TARM1: variants seen among roughly 807,000 people sequenced by gnomAD.
The protein encoded by TARM1 is T-cell-interacting, activating receptor on myeloid cells protein 1.
In TARM1, 24 loss-of-function variants were observed where a neutral mutation model predicts 30.4. The ratio of observed to expected loss-of-function variants is 0.79; its 90% CI spans 0.57 to 1.11. The LOEUF (loss-of-function observed/expected upper bound fraction) is 1.11. Among genes scored for constraint, TARM1 ranks in the 50% least tolerant of loss-of-function variants. TARM1 has a pLI of 0.00. For synonymous variants in TARM1, 129 were observed against 138.9 expected (o/e 0.93, Z 0.50); for missense variants, 323 against 332.8 (o/e 0.97, Z 0.23).
intron 1 of TARM1, among the ~76,000 whole-genome samples, chr19:54,079,265 GAA>G (rs587622719): frequency 1.8e-3 from 200 of 112,002 alleles, no homozygotes; most frequent in South Asian, 3.0e-3. Context: ...CTCCATCTCC[GAA>G]AAAAAAAAAA....
intron 1 of TARM1, chr19:54,076,485 C>T (rs1340469064): frequency 2.0e-5 from 8 of 404,542 alleles, no homozygotes; most frequent in South Asian, 9.0e-5. Context: ...GCCTCAGCCT[C>T]CCAAATAGCT....
chr19:54,070,105 A>T lies in TARM1; in HGVS notation c.714T>A (p.Gly238=). 1 of 1,551,534 alleles carries T rather than the reference A, an allele frequency of 6.4e-7. No individual in the cohort carries two copies. The highest frequency in any genetic ancestry group is 1.2e-5 in the South Asian group (1 of 84,052). Residue 238 remains glycine, a synonymous_variant, in exon 5 of 5, where the codon GGT becomes GGA. Transcript: ENST00000432826. Reference sequence around the variant, plus strand: ...TGATAACCACAATTACGGCAGCCAGACCCAGTCGTACGAAGTTACCCAGGG... The same window carrying T: ...TGATAACCACAATTACGGCAGCCAGTCCCAGTCGTACGAAGTTACCCAGGG... ...NYSLGNFVRL[G]LAAVIVVIMG...
In TARM1 at chr19:54,074,236, C is replaced by T. The variant is rs763658508; in HGVS notation, c.362-20G>A. On this transcript the variant is annotated intron_variant, in intron 3 of 4. Transcript: ENST00000432826. ...AATGTCCTGTAAGAGAAGTCAGGTTCTGAGGTCCTGGGGAGAAGTCTGGAA... is the reference window on the plus strand; with the variant it reads ...AATGTCCTGTAAGAGAAGTCAGGTTTTGAGGTCCTGGGGAGAAGTCTGGAA... 4 of 1,544,646 alleles carry T rather than the reference C, an allele frequency of 2.6e-6. No individual in the cohort carries two copies. Among genetic ancestry groups the T allele is most frequent in the African/African-American group, 1.4e-5 (1 of 73,054 alleles).
chr19:54,075,816 A>G lies in TARM1; in HGVS notation c.70+67T>C. ...AAAAAAAAAGAGAAAAAGAGGGGGA[A>G]GGGGAAGAGAACAGCAGGGGATTTG... On this transcript the variant is annotated intron_variant, in intron 2 of 4. Coordinates refer to ENST00000432826, the MANE Select transcript of TARM1 (RefSeq NM_001135686.3). The G allele has an allele frequency of 2.0e-6, 3 of 1,479,238 alleles. No homozygotes were observed. The South Asian group carries it at 3.7e-5, about 18-fold the overall frequency. The allele number at this position is 1,479,238 out of a possible 1,614,324, so 91.6% of individuals were successfully genotyped here.
At chr19:54,081,264 C>G in intron 1 of TARM1, 43 bp downstream of exon 1, 1 of 1,542,048 alleles carries the variant, frequency 6.5e-7, no homozygotes, top group Non-Finnish European at 8.8e-7. Context: ...CCACCAGTTC[C>G]ATGATTTTCT....
Position 54,074,066 on chromosome 19 carries a change from A to C in TARM1, c.512T>G (p.Leu171Arg). ...LKAGTPSPIQ[L>R]QSPAGKEIDF... ...TATCTCCTTCCCCGCTGGACTCTGC[A>C]GCTGGATGGGTGATGGCGTCCCTGC... Residue 171 changes from leucine (L) to arginine (R), a missense_variant, in exon 4 of 5, where the codon CTG (leucine) becomes CGG (arginine). Coordinates refer to ENST00000432826, the MANE Select transcript of TARM1 (RefSeq NM_001135686.3). The C allele has an allele frequency of 1.3e-6, 2 of 1,551,700 alleles. No individual in the cohort carries two copies. The highest frequency in any genetic ancestry group is 1.7e-6 in the Non-Finnish European group (2 of 1,147,006).
At chr19:54,080,852 A>G (rs937670887) in intron 1 of TARM1, among the ~76,000 whole-genome samples, 2 of 151,858 alleles carry the variant, frequency 1.3e-5, no homozygotes, top group Admixed American at 1.3e-4. Context: ...GCACCCCTGT[A>G]ATCCAGTTAC....
rs146722980 is a variant in TARM1 at position 54,076,082 on chromosome 19, C to A, written c.35-164G>T. 3.5e-6 allele frequency: 5 copies of A among 1,449,188 alleles called. No homozygotes were observed. In the Middle Eastern group the frequency reaches 8.9e-4, roughly 257 times the overall value. The allele number at this position is 1,449,188 out of a possible 1,614,324, so 89.8% of individuals were successfully genotyped here. On this transcript the variant is annotated intron_variant, in intron 1 of 4. Coordinates refer to ENST00000432826, the MANE Select transcript of TARM1 (RefSeq NM_001135686.3). Reference sequence around the variant, plus strand: ...CCCACACTGGACTGTGGCTTCTGCTCGACTTCCAGCTCCTCCATCCTTTCC... The same window carrying A: ...CCCACACTGGACTGTGGCTTCTGCTAGACTTCCAGCTCCTCCATCCTTTCC...
At chr19:54,075,787 G>T in intron 2 of TARM1, 96 bp downstream of exon 2, 3 of 1,402,816 alleles carry the variant, frequency 2.1e-6, no homozygotes, top group Middle Eastern at 1.8e-4. Context: ...GTGAGACTCC[G>T]TCAAAAAAAA....
At position 54,080,132 on chromosome 19, in the gene TARM1, G is replaced by GAAAGAAAGA. The variant is rs2072073272; in HGVS notation, c.34+1174_34+1175insTCTTTCTTT. ...GGAAGGAAGGAAGGAAGGAAGGAAG[G>GAAAGAAAGA]AAGGAAGAAAGCAAGCAAGCAAGCA... On this transcript the variant is annotated intron_variant, in intron 1 of 4. Transcript: ENST00000432826. Among the ~76,000 whole-genome samples, 110 of 51,834 alleles carry GAAAGAAAGA rather than the reference G, an allele frequency of 2.1e-3. 4 individuals carry two copies. The highest frequency in any genetic ancestry group is 3.9e-3 in the African/African-American group (56 of 14,334). The allele number at this position is 51,834 out of a possible 152,430, so 34.0% of individuals were successfully genotyped here.
intron 1 of TARM1, among the ~76,000 whole-genome samples, chr19:54,077,568 G>A (rs747202929): frequency 1.4e-4 from 21 of 152,032 alleles, no homozygotes; most frequent in Non-Finnish European, 2.6e-4. Flanking sequence ...GTTACCAGGC[G>A]TTTGTGCTAC....
chr19:54,076,511 C>T lies in TARM1; in HGVS notation c.35-593G>A, dbSNP rs62147273. 1,769 of 349,656 alleles carry T rather than the reference C, an allele frequency of 5.1e-3. 9 individuals carry two copies. The highest frequency in any genetic ancestry group is 0.028 in the Middle Eastern group (31 of 1,126). 21.7% of individuals were successfully genotyped at this position (349,656 alleles called of 1,614,324 possible). A position where few individuals can be genotyped will look rare whatever the true frequency, so the allele number is the denominator to read the frequency against. ...CCAAATAGCTGGGATCACAGGCATG[C>T]GCCAGGACGCCCGGCTGAGTTTTGT... On this transcript the variant is annotated intron_variant, in intron 1 of 4. Coordinates refer to ENST00000432826, the MANE Select transcript of TARM1 (RefSeq NM_001135686.3).
Position 54,069,898 on chromosome 19 carries a change from A to G in TARM1, c.*105T>C. ...GTGTCTTTGGGTCTTTGTGACCTGT[A>G]TGTTGTGACCTGTCTCATCCTGTGA... is the stretch of plus-strand genomic sequence containing the variant. On this transcript the variant is annotated 3_prime_UTR_variant, in exon 5 of 5. Coordinates refer to ENST00000432826, the MANE Select transcript of TARM1 (RefSeq NM_001135686.3). The G allele has an allele frequency of 2.3e-6, 2 of 863,382 alleles. No individual in the cohort carries two copies. The highest frequency in any genetic ancestry group is 3.5e-6 in the Non-Finnish European group (2 of 569,634). The allele number at this position is 863,382 out of a possible 1,614,324, so 53.5% of individuals were successfully genotyped here.
chr19:54,077,755 T>C (rs1416045511), intron 1 of TARM1, among the ~76,000 whole-genome samples: 3 of 151,450 alleles, frequency 2.0e-5, no homozygotes, highest in African/African-American at 7.3e-5. Context: ...TTTTTTTTTT[T>C]TTTTGAGACA....
chr19:54,075,701 G>A (rs1600206454), intron 2 of TARM1, among the ~76,000 whole-genome samples, 182 bp downstream of exon 2: 1 of 151,946 alleles, frequency 6.6e-6, no homozygotes, highest in South Asian at 2.1e-4. Context: ...GCTGAGACAG[G>A]AGAATCACTT....
chr19:54,070,161 C>A lies in TARM1; in HGVS notation c.659-1G>T. ...TTGCTCGATGTGGTACCTGGGGGAA[C>A]TGAAAGAGAGAAGGGGCTCAGCACT... On this transcript the variant is annotated splice_acceptor_variant, in intron 4 of 4. Transcript: ENST00000432826. LOFTEE classifies it high-confidence loss of function. The A allele has an allele frequency of 5.2e-6, 8 of 1,551,276 alleles. No individual in the cohort carries two copies. Among genetic ancestry groups the A allele is most frequent in the Non-Finnish European group, 7.0e-6 (8 of 1,146,732 alleles).
chr19:54,075,982 C>T, intron 1 of TARM1, 64 bp from the exon 2 acceptor site: 2 of 1,538,608 alleles, frequency 1.3e-6, no homozygotes, highest in Non-Finnish European at 1.8e-6. Context: ...CCTGCCCTGA[C>T]CCCTGGAGAT....
intron 1 of TARM1, 58 bp downstream of exon 1, chr19:54,081,249 C>T: frequency 6.6e-7 from 1 of 1,516,022 alleles, no homozygotes. Flanking sequence ...CCCAGCCCAA[C>T]TATCCCACCA....
rs2072072784 is a variant in TARM1 at position 54,080,130 on chromosome 19, AG to A, written c.34+1176del. 2.3e-3 allele frequency among the ~76,000 whole-genome samples: 128 copies of A among 56,562 alleles called. 10 individuals carry two copies. The highest frequency in any genetic ancestry group is 8.3e-3 in the Middle Eastern group (1 of 120). The allele number at this position is 56,562 out of a possible 152,430, so 37.1% of individuals were successfully genotyped here. On this transcript the variant is annotated intron_variant, in intron 1 of 4. Transcript: ENST00000432826. Reference sequence around the variant, plus strand: ...AAGGAAGGAAGGAAGGAAGGAAGGAAGGAAGGAAGAAAGCAAGCAAGCAAGC... The same window carrying A: ...AAGGAAGGAAGGAAGGAAGGAAGGAAGAAGGAAGAAAGCAAGCAAGCAAGC...
Sources: gnomAD v4.1 joint callset for allele counts (sites outside exome capture counted in the v4.1 genomes callset) on GRCh38, gnomAD v4.1.1 for gene constraint, MANE v1.5 for transcripts, NCBI Gene and HGNC (gene_info 2026-07-23, HGNC 2026-07-21) for gene names.